The following ZC3H7B variants were observed in gnomAD, a reference collection of about 807,000 sequenced individuals.
ZC3H7B encodes zinc finger CCCH domain-containing protein 7B.
In ZC3H7B, 35 loss-of-function variants were observed where a neutral mutation model predicts 116.0. The observed-to-expected ratio is 0.30, with a 90% CI of 0.23 to 0.40. ZC3H7B has a LOEUF of 0.40. Ranked by LOEUF, ZC3H7B falls within the 10% of genes least tolerant of loss-of-function variation. ZC3H7B has a pLI of 1.00. For missense variants in ZC3H7B, 1,011 were observed against 1,321.5 expected (o/e 0.77, Z 3.64); for synonymous variants, 502 against 545.6 (o/e 0.92, Z 1.11).
In ZC3H7B at chr22:41,349,956, A is replaced by G. The variant is rs573043178; in HGVS notation, c.1948+655A>G. ...GCAGCATTTTGTGGGGCGGGGATTT[A>G]AAATATGGTACATATAACATTCAGT... is the stretch of plus-strand genomic sequence containing the variant. On this transcript the variant is annotated intron_variant, in intron 16 of 22. Transcript: ENST00000352645. This position sits in a 1 kb window ranked among gnomAD's most constrained non-coding sequence, Gnocchi z 4.9. Among the ~76,000 whole-genome samples, 13 of 152,234 alleles carry G rather than the reference A, an allele frequency of 8.5e-5. No homozygotes were observed. The highest frequency in any genetic ancestry group is 1.9e-4 in the Non-Finnish European group (13 of 68,044).
intron 7 of ZC3H7B, chr22:41,334,803 C>G (rs1370055111): frequency 6.6e-6 from 1 of 152,266 alleles, no homozygotes; most frequent in African/African-American, 2.4e-5. Flanking sequence ...CATATTCATT[C>G]AGCCGGCTGG....
chr22:41,313,980 C>T (rs2036150367), intron 1 of ZC3H7B, among the ~76,000 whole-genome samples: 1 of 151,420 alleles, frequency 6.6e-6, no homozygotes, highest in Admixed American at 6.6e-5. Flanking sequence ...GTGTTGAACT[C>T]CTGACCTCAG....
intron 9 of ZC3H7B, 56 bp downstream of exon 9, chr22:41,339,247 CA>C: frequency 6.5e-7 from 1 of 1,539,470 alleles, no homozygotes; most frequent in African/African-American, 1.4e-5. Flanking sequence ...GCTGTGTCCC[CA>C]TTGTCCCAGG....
rs1326107845 is a variant in ZC3H7B, at chr22:41,356,464, C to T, written c.2505C>T (p.Tyr835=). The part of the protein sequence containing the change: ...GEKQIQMPTD[Y]ADIMMGYHCW... ...AGCAGATCCAGATGCCCACGGACTA[C>T]GCGGACATCATGGTAACGCCTCCGC... The change falls in exon 21 of 23, where the codon TAC becomes TAT. Residue 835 remains tyrosine, a synonymous_variant. Coordinates refer to ENST00000352645, the MANE Select transcript of ZC3H7B (RefSeq NM_017590.6). 9.3e-6 allele frequency: 15 copies of T among 1,613,962 alleles called. No individual in the cohort carries two copies. Among genetic ancestry groups the T allele is most frequent in the South Asian group, 3.3e-5 (3 of 91,092 alleles).
At chr22:41,311,274 A>G (rs540653564) in intron 1 of ZC3H7B, among the ~76,000 whole-genome samples, 1 of 151,752 alleles carries the variant, frequency 6.6e-6, no homozygotes, top group African/African-American at 2.4e-5. Flanking sequence ...TGGAGAGGAT[A>G]TGAGGGGTTG....
chr22:41,320,742 G>T, intron 2 of ZC3H7B, 29 bp downstream of exon 2: 1 of 1,613,108 alleles, frequency 6.2e-7, no homozygotes, highest in South Asian at 1.1e-5. Context: ...GGGGCTGGAC[G>T]GCTGGGTGGG....
intron 14 of ZC3H7B, 115 bp from the exon 15 acceptor site, chr22:41,347,952 C>A: frequency 2.4e-6 from 2 of 841,126 alleles, no homozygotes; most frequent in African/African-American, 1.7e-5. Flanking sequence ...TCCTCTGACC[C>A]AGGGCAGGGC....
rs2036651060 is a variant in ZC3H7B at position 41,351,263 on chromosome 22, A to G, written c.1949-298A>G. Among the ~76,000 whole-genome samples, 1 of 152,194 alleles carries G rather than the reference A, an allele frequency of 6.6e-6. No individual in the cohort carries two copies. The highest frequency in any genetic ancestry group is 1.5e-5 in the Non-Finnish European group (1 of 68,020). On this transcript the variant is annotated intron_variant, in intron 16 of 22. Coordinates refer to ENST00000352645, the MANE Select transcript of ZC3H7B (RefSeq NM_017590.6). This position sits in a 1 kb window ranked among gnomAD's most constrained non-coding sequence, Gnocchi z 5.1. ...AGTCACCGGCCCAAGAGACAGGGTCACTGGCATGGGAGCAGAGGACTCCCT... is the reference window on the plus strand; with the variant it reads ...AGTCACCGGCCCAAGAGACAGGGTCGCTGGCATGGGAGCAGAGGACTCCCT...
intron 22 of ZC3H7B, 64 bp downstream of exon 22, chr22:41,356,872 C>T: frequency 6.2e-7 from 1 of 1,601,190 alleles, no homozygotes; most frequent in South Asian, 1.1e-5. Flanking sequence ...AGTCCGTGGC[C>T]AGCTCTGGCT....
chr22:41,342,721 A>G, intron 12 of ZC3H7B, 93 bp downstream of exon 12: 6 of 1,269,190 alleles, frequency 4.7e-6, no homozygotes, highest in Non-Finnish European at 6.5e-6. Context: ...CCAGTGTCTC[A>G]GTTGGAGATA....
At chr22:41,328,454 C>G (rs1263896700) in intron 5 of ZC3H7B, among the ~76,000 whole-genome samples, 3 of 152,184 alleles carry the variant, frequency 2.0e-5, no homozygotes, top group African/African-American at 7.2e-5. Context: ...GCCCTGGCCT[C>G]TAGGAGATTG....
chr22:41,357,149 C>G lies in ZC3H7B; in HGVS notation c.2682-28C>G. 1 of 1,608,618 alleles carries G rather than the reference C, an allele frequency of 6.2e-7. No homozygotes were observed. The highest frequency in any genetic ancestry group is 8.5e-7 in the Non-Finnish European group (1 of 1,178,394). On this transcript the variant is annotated intron_variant, in intron 22 of 22. Transcript: ENST00000352645. This position sits in a 1 kb window ranked among gnomAD's most constrained non-coding sequence, Gnocchi z 5.4. ...CCTGGGGTGGGAAGGGCACAGAGCT[C>G]GGGCAGTGAGCCTCCTGCCACCCAC...
At chr22:41,347,396 G>A (rs2036600708) in intron 14 of ZC3H7B, among the ~76,000 whole-genome samples, 1 of 152,170 alleles carries the variant, frequency 6.6e-6, no homozygotes, top group African/African-American at 2.4e-5. Context: ...CCCACAGGGC[G>A]CTGTCCTGTG....
chr22:41,351,779 T>C lies in ZC3H7B; in HGVS notation c.2034+133T>C, dbSNP rs2036657257. On this transcript the variant is annotated intron_variant, in intron 17 of 22. Transcript: ENST00000352645. This position sits in a 1 kb window ranked among gnomAD's most constrained non-coding sequence, Gnocchi z 5.1. ...CCTCGAATAAGTTATGAAAGTAACT[T>C]GGATAATGTACACATTCAGCTGTTG... 1 of 772,780 alleles carries C rather than the reference T, an allele frequency of 1.3e-6. No individual in the cohort carries two copies. Among genetic ancestry groups the C allele is most frequent in the Admixed American group, 2.7e-5 (1 of 36,574 alleles). The allele number at this position is 772,780 out of a possible 1,614,324, so 47.9% of individuals were successfully genotyped here.
At position 41,302,691 on chromosome 22, in the gene ZC3H7B, T is replaced by TG. The variant is rs903841912; in HGVS notation, c.-7+925dup. On this transcript the variant is annotated intron_variant, in intron 1 of 22. Transcript: ENST00000352645. This position sits in a 1 kb window ranked among gnomAD's most constrained non-coding sequence, Gnocchi z 5.7. ...TTTAGGCGTTTATAAGGCGCCTGGT[T>TG]GGGGGGACTTTCACAGACAAAGCCG... 2.6e-5 allele frequency among the ~76,000 whole-genome samples: 4 copies of TG among 152,064 alleles called. No individual in the cohort carries two copies. The highest frequency in any genetic ancestry group is 5.9e-5 in the Non-Finnish European group (4 of 68,016).
intron 16 of ZC3H7B, among the ~76,000 whole-genome samples, chr22:41,350,078 G>A (rs984298000): frequency 6.6e-6 from 1 of 152,150 alleles, no homozygotes; most frequent in Non-Finnish European, 1.5e-5. Flanking sequence ...AGACAGACTC[G>A]GGGATGGGAG....
chr22:41,352,169 A>G (rs2036661374), intron 17 of ZC3H7B, among the ~76,000 whole-genome samples: 1 of 152,114 alleles, frequency 6.6e-6, no homozygotes, highest in Non-Finnish European at 1.5e-5. Context: ...ACGGTTCTTT[A>G]GTCTTTGCCT....
intron 1 of ZC3H7B, among the ~76,000 whole-genome samples, chr22:41,310,534 T>A (rs1023655066): frequency 6.6e-6 from 1 of 152,156 alleles, no homozygotes; most frequent in Non-Finnish European, 1.5e-5. Context: ...TGATGCCCAA[T>A]GATGCACCAC....
rs370325304 is a variant in ZC3H7B at position 41,325,519 on chromosome 22, G to T, written c.54-45G>T. 9.3e-4 allele frequency: 1,485 copies of T among 1,590,134 alleles called. 2 individuals carry two copies. The highest frequency in any genetic ancestry group is 1.0e-3 in the Non-Finnish European group (1,190 of 1,167,742). On this transcript the variant is annotated intron_variant, in intron 2 of 22. Transcript: ENST00000352645. ...GTAGCTCTGGACCTCCATGAAGCTGGGACCGCCGGGCTCACCCAGGCCTCG... is the reference window on the plus strand; with the variant it reads ...GTAGCTCTGGACCTCCATGAAGCTGTGACCGCCGGGCTCACCCAGGCCTCG...
Sources: allele counts gnomAD v4.1 joint callset (sites outside exome capture counted in the v4.1 genomes callset), GRCh38; gene constraint gnomAD v4.1.1; non-coding constraint Gnocchi (gnomAD v3.1); transcripts MANE v1.5; gene names NCBI Gene and HGNC (gene_info 2026-07-23, HGNC 2026-07-21).